Variants in DIAPH3 observed in about 807,000 individuals in gnomAD.
The protein encoded by DIAPH3 is protein diaphanous homolog 3.
DIAPH3 carries 117 observed loss-of-function variants against 144.3 expected under a neutral mutation model. The observed-to-expected ratio is 0.81, with a 90% CI of 0.70 to 0.95. DIAPH3 has a LOEUF of 0.95. Ranked by LOEUF, DIAPH3 falls within the 40% of genes least tolerant of loss-of-function variation. DIAPH3 has a pLI of 0.00. For synonymous variants in DIAPH3, 519 were observed against 488.9 expected (o/e 1.06, Z -0.81); for missense variants, 1,421 against 1,412.7 (o/e 1.01, Z -0.09).
chr13:59,791,308 T>G (rs888835420), intron 25 of DIAPH3, among the ~76,000 whole-genome samples: 6 of 152,106 alleles, frequency 3.9e-5, no homozygotes, highest in African/African-American at 1.4e-4. Context: ...ATACATAAAA[T>G]AAAGAATAAA....
chr13:60,042,620 A>G, intron 5 of DIAPH3, 70 bp downstream of exon 5: 2 of 1,590,196 alleles, frequency 1.3e-6, no homozygotes, highest in Middle Eastern at 3.4e-4. Flanking sequence ...AGGCAAAATG[A>G]AAAAAAGTAT....
At chr13:60,003,673 A>C (rs984760445) in intron 9 of DIAPH3, among the ~76,000 whole-genome samples, 2 of 151,878 alleles carry the variant, frequency 1.3e-5, no homozygotes, top group Non-Finnish European at 2.9e-5. Flanking sequence ...TCCTGGGTTC[A>C]CGCCATTCTC....
At chr13:59,899,392 T>A (rs766764617) in intron 20 of DIAPH3, among the ~76,000 whole-genome samples, 4 of 152,200 alleles carry the variant, frequency 2.6e-5, no homozygotes, top group Non-Finnish European at 5.9e-5. Context: ...TTGAGAAGAC[T>A]TCCACAAAGG....
At chr13:60,016,501 G>T (rs1284913011) in intron 5 of DIAPH3, among the ~76,000 whole-genome samples, 2 of 152,122 alleles carry the variant, frequency 1.3e-5, no homozygotes, top group Non-Finnish European at 2.9e-5. Context: ...CACGCACCCA[G>T]AGCTGGCTCT....
intron 24 of DIAPH3, 110 bp from the exon 25 acceptor site, chr13:59,811,033 T>C (rs1481638393): frequency 3.9e-6 from 4 of 1,036,446 alleles, no homozygotes; most frequent in Middle Eastern, 6.3e-4. Flanking sequence ...ATCTTTTAGA[T>C]AATGGTGAGT....
At chr13:60,052,090 G>T (rs1253033716) in intron 4 of DIAPH3, among the ~76,000 whole-genome samples, 1 of 152,140 alleles carries the variant, frequency 6.6e-6, no homozygotes. Context: ...CAAGGGCAGG[G>T]TTTATATGAA....
intron 14 of DIAPH3, among the ~76,000 whole-genome samples, chr13:59,977,610 T>G (rs1188241590): frequency 1.3e-5 from 2 of 151,776 alleles, no homozygotes; most frequent in Non-Finnish European, 2.9e-5. Flanking sequence ...GAGGCTATTG[T>G]AGTTATCCAA....
chr13:60,163,735 G>T lies in DIAPH3; in HGVS notation c.32C>A (p.Pro11Gln). 6.2e-7 allele frequency: 1 copy of T among 1,604,704 alleles called. No individual in the cohort carries two copies. The highest frequency in any genetic ancestry group is 8.5e-7 in the Non-Finnish European group (1 of 1,176,008). Residue 11 changes from proline to glutamine, a missense_variant, in exon 1 of 28, where the codon CCG becomes CAG. Transcript: ENST00000400324. ...AGTCCCAGCGGCTGAGCCTTGGGCCGGGTGGTGCAGCCGCGGCTGGTGCCG... is the reference window on the plus strand; with the variant it reads ...AGTCCCAGCGGCTGAGCCTTGGGCCTGGTGGTGCAGCCGCGGCTGGTGCCG... MERHQPRLHH[P>Q]AQGSAAGTPY...
chr13:60,012,593 A>T (rs41537146), intron 7 of DIAPH3, among the ~76,000 whole-genome samples: 13,028 of 152,218 alleles, frequency 0.086, 595 homozygotes, highest in East Asian at 0.14. Flanking sequence ...TAAATCTGGG[A>T]ATTGAGTAAA....
intron 22 of DIAPH3, among the ~76,000 whole-genome samples, chr13:59,856,779 T>C (rs2043279165): frequency 6.6e-6 from 1 of 152,148 alleles, no homozygotes; most frequent in African/African-American, 2.4e-5. Context: ...TTTGTTCCCT[T>C]GACCAGTCAA....
chr13:59,740,134 C>T (rs1266674229), intron 27 of DIAPH3, among the ~76,000 whole-genome samples: 3 of 152,180 alleles, frequency 2.0e-5, no homozygotes, highest in Non-Finnish European at 4.4e-5. Flanking sequence ...TGTGTATACA[C>T]TCATTTATCT....
chr13:60,077,204 A>T (rs530457596), intron 4 of DIAPH3, among the ~76,000 whole-genome samples: 1 of 152,208 alleles, frequency 6.6e-6, no homozygotes, highest in South Asian at 2.1e-4. Flanking sequence ...TGTCCTAAAA[A>T]AAAAATCCTC....
intron 24 of DIAPH3, among the ~76,000 whole-genome samples, chr13:59,822,795 T>C (rs538538102): frequency 1.3e-5 from 2 of 152,242 alleles, no homozygotes; most frequent in African/African-American, 4.8e-5. Flanking sequence ...TAAGTTAACA[T>C]GTATCCTCTC....
At chr13:59,832,301 A>C (rs2041818684) in intron 24 of DIAPH3, among the ~76,000 whole-genome samples, 1 of 151,822 alleles carries the variant, frequency 6.6e-6, no homozygotes, top group South Asian at 2.1e-4. Context: ...CTAACTAAAT[A>C]ATTATAACCA....
At chr13:59,834,611 A>G (rs1481983061) in intron 23 of DIAPH3, among the ~76,000 whole-genome samples, 1 of 151,650 alleles carries the variant, frequency 6.6e-6, no homozygotes, top group African/African-American at 2.4e-5. Context: ...GTAGGGAGTA[A>G]ATGTAGGCTA....
At chr13:60,112,306 G>A (rs551064527) in intron 2 of DIAPH3, 120 bp from the exon 3 acceptor site, 1,054 of 1,135,594 alleles carry the variant, frequency 9.3e-4, no homozygotes, top group Non-Finnish European at 1.3e-3. Context: ...TCATCAAGAG[G>A]CATTCAGCAT....
chr13:60,006,404 T>C (rs1245485105), intron 9 of DIAPH3, among the ~76,000 whole-genome samples: 1 of 152,140 alleles, frequency 6.6e-6, no homozygotes, highest in Non-Finnish European at 1.5e-5. Context: ...AATATTTTCA[T>C]AAAACTTTTA....
intron 27 of DIAPH3, among the ~76,000 whole-genome samples, chr13:59,710,347 C>A (rs1259244828): frequency 4.8e-5 from 7 of 145,474 alleles, no homozygotes; most frequent in African/African-American, 1.5e-4. Flanking sequence ...TAAAAAAAAA[C>A]CCCAACAACT....
intron 2 of DIAPH3, among the ~76,000 whole-genome samples, chr13:60,132,195 A>G (rs2059161143): frequency 1.3e-5 from 2 of 152,196 alleles, no homozygotes; most frequent in South Asian, 2.1e-4. Context: ...ACCCAGGTGC[A>G]TAAGACAGTA....
Sources: allele counts gnomAD v4.1 joint callset (sites outside exome capture counted in the v4.1 genomes callset), GRCh38; gene constraint gnomAD v4.1.1; transcripts MANE v1.5; gene names NCBI Gene and HGNC (gene_info 2026-07-23, HGNC 2026-07-21).